ATF7IP: variants seen among roughly 807,000 people sequenced by gnomAD.
The protein encoded by ATF7IP is activating transcription factor 7 interacting protein, also known as activating transcription factor 7-interacting protein 1.
ATF7IP carries 23 observed loss-of-function variants against 106.4 expected under a neutral mutation model. That is an observed-to-expected ratio of 0.22 (90% CI 0.16 to 0.31). The LOEUF (loss-of-function observed/expected upper bound fraction) is 0.31, where lower values mean the gene tolerates loss of function less well. Ranked by LOEUF, ATF7IP falls within the 10% of genes least tolerant of loss-of-function variation. ATF7IP has a pLI of 1.00. For synonymous variants in ATF7IP, 542 were observed against 539.0 expected (o/e 1.01, Z -0.08); for missense variants, 1,334 against 1,524.3 (o/e 0.88, Z 2.08).
chr12:14,460,619 A>T lies in ATF7IP; in HGVS notation c.2283A>T (p.Val761=). ...TTCCTGCACCCAATACAGCTACTGT[A>T]GTTGCTACTACTCAGGTGCCTAGTG... is the stretch of plus-strand genomic sequence containing the variant. ...SVLPAPNTAT[V]VATTQVPSGN... Residue 761 remains valine (V), a synonymous_variant, in exon 9 of 15, where the codon GTA becomes GTT. Transcript: ENST00000261168. 6.2e-7 allele frequency: 1 copy of T among 1,614,176 alleles called. No homozygotes were observed. The highest frequency in any genetic ancestry group is 8.5e-7 in the Non-Finnish European group (1 of 1,180,026).
chr12:14,419,715 TA>T (rs1941390531), intron 1 of ATF7IP, among the ~76,000 whole-genome samples: 1 of 152,162 alleles, frequency 6.6e-6, no homozygotes, highest in South Asian at 2.1e-4. Flanking sequence ...AGTCTGTAAT[TA>T]AAAACCCTTA....
At position 14,425,324 on chromosome 12, in the gene ATF7IP, A is replaced by C; in HGVS notation, c.1409A>C (p.Lys470Thr). 6.2e-7 allele frequency: 1 copy of C among 1,610,230 alleles called. No individual in the cohort carries two copies. The highest frequency in any genetic ancestry group is 8.5e-7 in the Non-Finnish European group (1 of 1,179,064). The change falls in exon 2 of 15, where the codon AAA becomes ACA. Residue 470 changes from lysine (K) to threonine (T), a missense_variant. Transcript: ENST00000261168. ...GAGACAAATCCAGATTTGGAAGAGA[A>C]AATGGAAAGTTCTTTTGGTTCACCA... Reference protein sequence around the residue: ...IDETNPDLEEKMESSFGSPSK... With the variant: ...IDETNPDLEETMESSFGSPSK...
In ATF7IP at chr12:14,497,792, G is replaced by A; in HGVS notation, c.3532G>A (p.Val1178Ile). The A allele has an allele frequency of 6.2e-7, 1 of 1,614,106 alleles. No homozygotes were observed. The highest frequency in any genetic ancestry group is 8.5e-7 in the Non-Finnish European group (1 of 1,180,018). Reference protein sequence around the residue: ...LARVQSQNGIVLSWSVLEVDR... With the variant: ...LARVQSQNGIILSWSVLEVDR... ...ACGCGTTCAGAGTCAAAATGGCATAGTACTGTCATGGAGTGTCCTGGAGGT... is the reference window on the plus strand; with the variant it reads ...ACGCGTTCAGAGTCAAAATGGCATAATACTGTCATGGAGTGTCCTGGAGGT... Residue 1178 changes from valine to isoleucine, a missense_variant, in exon 15 of 15, where the codon GTA becomes ATA. Coordinates refer to ENST00000261168, the MANE Select transcript of ATF7IP (RefSeq NM_018179.5).
intron 1 of ATF7IP, among the ~76,000 whole-genome samples, chr12:14,415,688 A>C: frequency 1.6e-5 from 1 of 62,704 alleles, no homozygotes. Context: ...TTCACCACTT[A>C]CTGTTTTTTT....
chr12:14,400,105 A>G (rs1297631788), intron 1 of ATF7IP, among the ~76,000 whole-genome samples: 1 of 152,212 alleles, frequency 6.6e-6, no homozygotes, highest in Non-Finnish European at 1.5e-5. Context: ...TACCAATTAC[A>G]TGAGTGAATT....
chr12:14,401,739 A>G (rs111645264), intron 1 of ATF7IP, among the ~76,000 whole-genome samples: 5,329 of 65,482 alleles, frequency 0.081, 365 homozygotes, highest in African/African-American at 0.26. Flanking sequence ...TTTTTTTGAT[A>G]TGGAATCTCG....
Position 14,456,603 on chromosome 12 carries a change from G to A in ATF7IP, c.2038G>A (p.Asp680Asn). ...AGTATCACCAGGAAAAACTGTAAAT[G>A]ATGTCAACAGCAATAATAACATGTC... ...PPVSPGKTVN[D>N]VNSNNNMSYR... Residue 680 changes from aspartate (D) to asparagine (N), a missense_variant, in exon 7 of 15, where the codon GAT becomes AAT. Physicochemically the swap from Asp to Asn is conservative, Grantham distance 23. Coordinates refer to ENST00000261168, the MANE Select transcript of ATF7IP (RefSeq NM_018179.5). The A allele has an allele frequency of 6.2e-7, 1 of 1,612,250 alleles. No individual in the cohort carries two copies. Among genetic ancestry groups the A allele is most frequent in the Non-Finnish European group, 8.5e-7 (1 of 1,179,272 alleles).
chr12:14,402,845 A>G (rs1272435525), intron 1 of ATF7IP, among the ~76,000 whole-genome samples: 1 of 151,960 alleles, frequency 6.6e-6, no homozygotes, highest in African/African-American at 2.4e-5. Context: ...TGATCCACCC[A>G]CCTCACCCTT....
At chr12:14,453,772 C>T (rs1853840902) in intron 6 of ATF7IP, among the ~76,000 whole-genome samples, 3 of 151,890 alleles carry the variant, frequency 2.0e-5, no homozygotes, top group Admixed American at 2.0e-4. Flanking sequence ...TTACAGGTGC[C>T]CACCATCACG....
At chr12:14,471,758 G>A (rs1436822240) in intron 10 of ATF7IP, among the ~76,000 whole-genome samples, 1 of 152,030 alleles carries the variant, frequency 6.6e-6, no homozygotes, top group Admixed American at 6.6e-5. Context: ...GGGGGAAACT[G>A]CCCCCATGAT....
At position 14,460,514 on chromosome 12, in the gene ATF7IP, C is replaced by G. The variant is rs777797507; in HGVS notation, c.2178C>G (p.Val726=). The G allele has an allele frequency of 5.6e-6, 9 of 1,613,194 alleles. No homozygotes were observed. In the Admixed American group the frequency reaches 1.5e-4, roughly 27 times the overall value. ...CTATAGTATCTTCAACCAATCTTGT[C>G]ACTCCTCCAGCAGTTGTCAGTAGTC... The part of the protein sequence containing the change: ...PVNTVSSTNL[V]TPPAVVSSQP... The change falls in exon 9 of 15, where the codon GTC becomes GTG. Residue 726 remains valine (V), a synonymous_variant. Coordinates refer to ENST00000261168, the MANE Select transcript of ATF7IP (RefSeq NM_018179.5).
intron 6 of ATF7IP, 83 bp downstream of exon 6, chr12:14,447,136 T>C: frequency 8.7e-7 from 1 of 1,144,712 alleles, no homozygotes; most frequent in Admixed American, 2.4e-5. Context: ...GGAAACTGTA[T>C]TACAAATCTG....
In ATF7IP at chr12:14,499,312, A is replaced by ATTTTTGGTCACTATTTAACTT. The variant is rs1487452355; in HGVS notation, c.*1241_*1261dup. On this transcript the variant is annotated 3_prime_UTR_variant, in exon 15 of 15. Coordinates refer to ENST00000261168, the MANE Select transcript of ATF7IP (RefSeq NM_018179.5). ...TTCTTCTAAAACTATAGATGCTTTT[A>ATTTTTGGTCACTATTTAACTT]TTTTTGGTCACTATTTAACTTTGTG... 2.0e-5 allele frequency: 3 copies of ATTTTTGGTCACTATTTAACTT among 152,210 alleles called. No homozygotes were observed. The highest frequency in any genetic ancestry group is 2.0e-4 in the Admixed American group (3 of 15,284). The allele number at this position is 152,210 out of a possible 1,614,324, so 9.4% of individuals were successfully genotyped here.
intron 1 of ATF7IP, among the ~76,000 whole-genome samples, chr12:14,374,566 T>A (rs1938658961): frequency 6.6e-6 from 1 of 152,230 alleles, no homozygotes; most frequent in African/African-American, 2.4e-5. Flanking sequence ...TATATATTTT[T>A]GTAGGGTACA....
intron 8 of ATF7IP, among the ~76,000 whole-genome samples, chr12:14,458,559 C>G (rs925090889): frequency 6.6e-6 from 1 of 152,124 alleles, no homozygotes; most frequent in Non-Finnish European, 1.5e-5. Context: ...TGGTGGCTTA[C>G]GACTGTAATC....
intron 5 of ATF7IP, among the ~76,000 whole-genome samples, chr12:14,446,728 C>A (rs1012892676): frequency 1.3e-5 from 2 of 152,068 alleles, no homozygotes; most frequent in Admixed American, 1.3e-4. Context: ...GAGCAACACT[C>A]AAAAGTTCGA....
At chr12:14,478,123 G>A (rs1293004424) in intron 11 of ATF7IP, among the ~76,000 whole-genome samples, 194 bp from the exon 12 acceptor site, 1 of 152,116 alleles carries the variant, frequency 6.6e-6, no homozygotes, top group East Asian at 1.9e-4. Flanking sequence ...AGAACCACCA[G>A]CAAATTACAT....
At chr12:14,448,662 A>G (rs1404584773) in intron 6 of ATF7IP, among the ~76,000 whole-genome samples, 1 of 152,120 alleles carries the variant, frequency 6.6e-6, no homozygotes, top group African/African-American at 2.4e-5. Flanking sequence ...ATTCTTTTGC[A>G]TATATACCCA....
chr12:14,417,768 G>C lies in ATF7IP; in HGVS notation c.-7-6141G>C, dbSNP rs553897413. On this transcript the variant is annotated intron_variant, in intron 1 of 14. Transcript: ENST00000261168. ...GTGGATTTAGGGTTTTATGTAAACT[G>C]TGTTCTAGATTACTTATTTCAAACA... Among the ~76,000 whole-genome samples the C allele has an allele frequency of 3.3e-5, 5 of 152,268 alleles. No individual in the cohort carries two copies. In the East Asian group the frequency reaches 9.6e-4, roughly 29 times the overall value.
Sources: allele counts gnomAD v4.1 joint callset (sites outside exome capture counted in the v4.1 genomes callset), GRCh38; gene constraint gnomAD v4.1.1; transcripts MANE v1.5; gene names NCBI Gene and HGNC (gene_info 2026-07-23, HGNC 2026-07-21).